BEST1: variants seen among roughly 807,000 people sequenced by gnomAD.
BEST1 encodes bestrophin 1.
A neutral mutation model predicts 63.3 loss-of-function variants in BEST1; 58 were observed. The ratio of observed to expected loss-of-function variants is 0.92; its 90% CI spans 0.74 to 1.14. BEST1 has a LOEUF of 1.14. BEST1 is among the 50% of genes most tolerant of loss of function. BEST1 has a pLI of 0.00. For missense variants in BEST1, 671 were observed against 740.1 expected (o/e 0.91, Z 1.08); for synonymous variants, 283 against 291.6 (o/e 0.97, Z 0.30).
chr11:61,953,886 AAAAC>A (rs112657532), intron 2 of BEST1, among the ~76,000 whole-genome samples: 18,758 of 150,664 alleles, frequency 0.12, 2,584 homozygotes, highest in East Asian at 0.67. Flanking sequence ...ACCCTATCTC[AAAAC>A]AAACAAACAA....
In BEST1 at chr11:61,962,510, C is replaced by T; in HGVS notation, c.1356C>T (p.Ala452=). Residue 452 remains alanine (A), a synonymous_variant, in exon 10 of 11, where the codon GCC becomes GCT. Coordinates refer to ENST00000378043, the MANE Select transcript of BEST1 (RefSeq NM_004183.4). ...CCTGGAAGCTTAAGGCTGTGGACGCCTTCAAGTCTGCCCCACTGTATCAGA... is the reference window on the plus strand; with the variant it reads ...CCTGGAAGCTTAAGGCTGTGGACGCTTTCAAGTCTGCCCCACTGTATCAGA... The part of the protein sequence containing the change: ...NKAWKLKAVD[A]FKSAPLYQRP... 6.2e-7 allele frequency: 1 copy of T among 1,614,196 alleles called. No individual in the cohort carries two copies. The highest frequency in any genetic ancestry group is 1.7e-5 in the Admixed American group (1 of 60,024).
At chr11:61,950,306 C>A (rs1453893790), upstream of BEST1, 1 of 152,820 alleles carries the variant, frequency 6.5e-6, no homozygotes, top group African/African-American at 2.4e-5. Flanking sequence ...GCTCAGCACT[C>A]ACGTGGGCAG....
In BEST1 at chr11:61,962,714, T is replaced by C. The variant is rs138689602; in HGVS notation, c.1560T>C (p.Asp520=). The stretch of plus-strand genomic sequence containing the variant: ...GTTTTGAATTGCTCTCAGAGAGCGA[T>C]GGGGCCTTGATGGAGCACCCAGAAG... ...KKSFELLSES[D]GALMEHPEVS... is the part of the protein sequence containing the mutation. The change falls in exon 10 of 11, where the codon GAT becomes GAC. Residue 520 remains aspartate (D), a synonymous_variant. Coordinates refer to ENST00000378043, the MANE Select transcript of BEST1 (RefSeq NM_004183.4). 8.1e-6 allele frequency: 13 copies of C among 1,614,166 alleles called. No individual in the cohort carries two copies. Among genetic ancestry groups the C allele is most frequent in the Admixed American group, 1.7e-5 (1 of 60,020 alleles).
chr11:61,955,469 G>A, intron 3 of BEST1: 1 of 1,278,524 alleles, frequency 7.8e-7, no homozygotes, highest in Non-Finnish European at 1.0e-6. Context: ...CCCCTGCGCG[G>A]GAGGGGAGGG....
Position 61,958,204 on chromosome 11 carries a change from T to G in BEST1, c.773T>G (p.Leu258Arg), listed in dbSNP as rs1459736689. The G allele has an allele frequency of 1.9e-6, 3 of 1,614,086 alleles. No homozygotes were observed. The African/African-American group carries it at 4.0e-5, about 22-fold the overall frequency. The change falls in exon 7 of 11, where the codon CTG becomes CGG. Residue 258 changes from leucine (L) to arginine (R), a missense_variant. Coordinates refer to ENST00000378043, the MANE Select transcript of BEST1 (RefSeq NM_004183.4). The part of the protein sequence containing the change: ...FLTCLVGRQF[L>R]NPAKAYPGHE... ...ACTTGTCTAGTTGGGCGGCAGTTTC[T>G]GAACCCAGCCAAGGCCTACCCTGGC...
chr11:61,962,190 G>A, intron 9 of BEST1, 65 bp from the exon 10 acceptor site: 1 of 1,573,548 alleles, frequency 6.4e-7, no homozygotes, highest in East Asian at 2.2e-5. Context: ...GGGTAAGGGA[G>A]AAGTAAGGCC....
At position 61,952,303 on chromosome 11, in the gene BEST1, A is replaced by AAG. The variant is rs35510371; in HGVS notation, c.152+375_152+376dup. Among the ~76,000 whole-genome samples, 371 of 147,192 alleles carry AAG rather than the reference A, an allele frequency of 2.5e-3. 2 individuals are homozygous for AAG. Among genetic ancestry groups the AAG allele is most frequent in the African/African-American group, 6.5e-3 (264 of 40,372 alleles). On this transcript the variant is annotated intron_variant, in intron 2 of 10. Transcript: ENST00000378043. ...CATAGGCCCACATAGTACATTAAAA[A>AAG]AGAGAGAGAGAGAGAGAGAGAGAGA...
At position 61,964,223 on chromosome 11, in the gene BEST1, G is replaced by A; in HGVS notation, c.*101G>A. The A allele has an allele frequency of 6.3e-7, 1 of 1,593,706 alleles. No homozygotes were observed. Among genetic ancestry groups the A allele is most frequent in the Non-Finnish European group, 8.5e-7 (1 of 1,170,882 alleles). On this transcript the variant is annotated 3_prime_UTR_variant, in exon 11 of 11. Coordinates refer to ENST00000378043, the MANE Select transcript of BEST1 (RefSeq NM_004183.4). ...CAGCCATACAGCTGTCCACACTGAA[G>A]AACATGTCCTACAACAGCCTGAATC...
In BEST1 at chr11:61,959,955, T is replaced by A. The variant is rs1412750890; in HGVS notation, c.1012T>A (p.Trp338Arg). Residue 338 changes from tryptophan to arginine, a missense_variant, in exon 9 of 11, where the codon TGG (tryptophan) becomes AGG (arginine). Physicochemically the swap from Trp to Arg is moderately radical, Grantham distance 101. Transcript: ENST00000378043. The part of the protein sequence containing the change: ...DLPRMEPDMY[W>R]NKPEPQPPYT... Reference sequence around the variant, plus strand: ...GCCTCGGATGGAGCCGGACATGTACTGGAATAAGCCCGAGCCACAGCCCCC... The same window carrying A: ...GCCTCGGATGGAGCCGGACATGTACAGGAATAAGCCCGAGCCACAGCCCCC... 6.2e-7 allele frequency: 1 copy of A among 1,613,006 alleles called. No homozygotes were observed. Among genetic ancestry groups the A allele is most frequent in the Non-Finnish European group, 8.5e-7 (1 of 1,179,626 alleles).
At chr11:61,955,079 A>G in intron 2 of BEST1, 28 bp from the exon 3 acceptor site, 1 of 1,612,708 alleles carries the variant, frequency 6.2e-7, no homozygotes, top group Non-Finnish European at 8.5e-7. Context: ...CTGCGTCCAC[A>G]CAATTCCACC....
intron 10 of BEST1, chr11:61,963,789 A>G: frequency 8.1e-7 from 1 of 1,232,264 alleles, no homozygotes; most frequent in African/African-American, 1.5e-5. Context: ...GGATCACAGG[A>G]GGTCAGGAGT....
Position 61,959,515 on chromosome 11 carries a change from C to T in BEST1, c.885C>T (p.Ile295=). Residue 295 remains isoleucine, a synonymous_variant, in exon 8 of 11, where the codon ATC becomes ATT. Transcript: ENST00000378043. ...VGWLKVAEQL[I]NPFGEDDDDF... is the part of the protein sequence containing the mutation. ...TCCCCAAGGTGGCAGAGCAGCTCAT[C>T]AACCCCTTTGGAGAGGATGATGATG... 1 of 1,614,208 alleles carries T rather than the reference C, an allele frequency of 6.2e-7. No individual in the cohort carries two copies. The highest frequency in any genetic ancestry group is 1.1e-5 in the South Asian group (1 of 91,090).
rs754658149 is a variant in BEST1, at chr11:61,962,631, A to G, written c.1477A>G (p.Thr493Ala). Residue 493 changes from threonine to alanine, a missense_variant, in exon 10 of 11, where the codon ACA becomes GCA. Physicochemically the swap from Thr to Ala is moderately conservative, Grantham distance 58 (BLOSUM62 0). Transcript: ENST00000378043. ...PSAPSKLHSV[T>A]GIDTKDKSLK... Reference sequence around the variant, plus strand: ...AGCGCCGTCAAAGCTTCACAGTGTCACAGGCATAGACACCAAAGACAAAAG... The same window carrying G: ...AGCGCCGTCAAAGCTTCACAGTGTCGCAGGCATAGACACCAAAGACAAAAG... 1.2e-6 allele frequency: 2 copies of G among 1,614,196 alleles called. No homozygotes were observed. The highest frequency in any genetic ancestry group is 1.6e-4 in the Middle Eastern group (1 of 6,062).
chr11:61,963,825 G>A (rs1457292729), intron 10 of BEST1: 2 of 1,275,184 alleles, frequency 1.6e-6, no homozygotes, highest in African/African-American at 3.0e-5. Context: ...CCAACATGAT[G>A]AAACCCCATC....
At position 61,962,095 on chromosome 11, in the gene BEST1, G is replaced by C. The variant is rs535257485; in HGVS notation, c.1101-160G>C. On this transcript the variant is annotated intron_variant, in intron 9 of 10. Coordinates refer to ENST00000378043, the MANE Select transcript of BEST1 (RefSeq NM_004183.4). ...CTGGAGGGATCACCGGGAGGTACAG[G>C]ACAGATCAGGAGAGAGGTGAGAGCT... The C allele has an allele frequency of 1.8e-4, 133 of 722,586 alleles. No homozygotes were observed. The African/African-American group carries it at 1.9e-3, about 10-fold the overall frequency. 44.8% of individuals were successfully genotyped at this position (722,586 alleles called of 1,614,324 possible). A position where few individuals can be genotyped will look rare whatever the true frequency, so the allele number is the denominator to read the frequency against.
In BEST1 at chr11:61,956,858, G is replaced by A. The variant is rs1941423831; in HGVS notation, c.496G>A (p.Ala166Thr). Residue 166 changes from alanine (A) to threonine (T), a missense_variant, in exon 5 of 11, where the codon GCA becomes ACA. By Grantham distance (58) the Ala-to-Thr change is moderately conservative. Coordinates refer to ENST00000378043, the MANE Select transcript of BEST1 (RefSeq NM_004183.4). ...HLVQAGFMTP[A>T]EHKQLEKLSL... The stretch of plus-strand genomic sequence containing the variant: ...CCACTCTGCAGGCTTTATGACTCCG[G>A]CAGAACACAAGCAGTTGGAGAAACT... 2.5e-6 allele frequency: 4 copies of A among 1,613,970 alleles called. No homozygotes were observed. The highest frequency in any genetic ancestry group is 2.5e-6 in the Non-Finnish European group (3 of 1,180,022).
intron 7 of BEST1, chr11:61,958,588 C>T: frequency 1.4e-6 from 1 of 727,140 alleles, no homozygotes; most frequent in South Asian, 1.7e-5. Flanking sequence ...AAAACAAAGC[C>T]CTAAGGTTCA....
intron 4 of BEST1, 79 bp from the exon 5 acceptor site, chr11:61,956,765 G>A: frequency 6.4e-7 from 1 of 1,560,220 alleles, no homozygotes; most frequent in South Asian, 1.1e-5. Context: ...GGAGTGCTGA[G>A]GTTCCTATAG....
intron 2 of BEST1, among the ~76,000 whole-genome samples, chr11:61,952,848 C>CTAAAA: frequency 6.6e-6 from 1 of 152,238 alleles, no homozygotes; most frequent in Admixed American, 6.5e-5. Context: ...TGACTCGCGT[C>CTAAAA]TGTAATCCCA....
Sources: allele counts gnomAD v4.1 joint callset (sites outside exome capture counted in the v4.1 genomes callset), GRCh38; gene constraint gnomAD v4.1.1; transcripts MANE v1.5; gene names NCBI Gene and HGNC (gene_info 2026-07-23, HGNC 2026-07-21).